CTNNA1: variants seen among roughly 807,000 people sequenced by gnomAD.
CTNNA1 encodes catenin alpha 1, also known as catenin alpha-1.
In CTNNA1, 37 loss-of-function variants were observed where a neutral mutation model predicts 98.4. The ratio of observed to expected loss-of-function variants is 0.38; its 90% CI spans 0.29 to 0.49. CTNNA1 has a LOEUF of 0.49. Among genes scored for constraint, CTNNA1 ranks in the 20% least tolerant of loss-of-function variants. CTNNA1 has a pLI of 0.95. For missense variants in CTNNA1, 761 were observed against 1,147.2 expected, an observed-to-expected ratio of 0.66 and a Z score of 4.86; for synonymous variants, 404 against 413.2, an observed-to-expected ratio of 0.98 and a Z score of 0.27.
chr5:138,933,781 C>T, intron 17 of CTNNA1, 21 bp from the exon 18 acceptor site: 1 of 1,608,130 alleles, frequency 6.2e-7, no homozygotes, highest in Non-Finnish European at 8.5e-7. Flanking sequence ...GTGCTTCTTA[C>T]CACCCCTGTC....
At chr5:138,857,967 T>G (rs1315308712) in intron 7 of CTNNA1, among the ~76,000 whole-genome samples, 1 of 152,196 alleles carries the variant, frequency 6.6e-6, no homozygotes, top group Non-Finnish European at 1.5e-5. Flanking sequence ...ATGAATCCAC[T>G]TCTTAGATTC....
At chr5:138,797,125 C>T (rs1477197562) in intron 3 of CTNNA1, among the ~76,000 whole-genome samples, 2 of 152,274 alleles carry the variant, frequency 1.3e-5, no homozygotes, top group Middle Eastern at 3.4e-3. Flanking sequence ...TTTGCATGAA[C>T]TAGCAGCCAT....
chr5:138,811,192 T>G (rs1322644776), intron 4 of CTNNA1, among the ~76,000 whole-genome samples: 1 of 134,170 alleles, frequency 7.5e-6, no homozygotes, highest in East Asian at 2.2e-4. Flanking sequence ...GTCTCCTCAC[T>G]TCTCAGACGG....
chr5:138,816,549 C>G (rs1488337160), intron 5 of CTNNA1, among the ~76,000 whole-genome samples: 1 of 151,974 alleles, frequency 6.6e-6, no homozygotes, highest in Admixed American at 6.6e-5. Context: ...TTTTTCCTTT[C>G]GTTTTGCTAA....
intron 10 of CTNNA1, among the ~76,000 whole-genome samples, chr5:138,914,742 C>A (rs1208239241): frequency 6.6e-6 from 1 of 152,116 alleles, no homozygotes; most frequent in Non-Finnish European, 1.5e-5. Flanking sequence ...TCCAAAGCAT[C>A]TGAAAAATCA....
chr5:138,775,570 A>G (rs2149619665), intron 1 of CTNNA1, among the ~76,000 whole-genome samples: 1 of 152,260 alleles, frequency 6.6e-6, no homozygotes, highest in East Asian at 1.9e-4. Context: ...CAGAAATTTA[A>G]CATTGATACA....
At chr5:138,885,476 T>C (rs1255956514) in intron 7 of CTNNA1, among the ~76,000 whole-genome samples, 2 of 152,194 alleles carry the variant, frequency 1.3e-5, no homozygotes, top group African/African-American at 2.4e-5. Context: ...AAAAAGACTT[T>C]TGTTCCTTTT....
rs186236339 is a variant in CTNNA1 at position 138,824,525 on chromosome 5, T to C, written c.589-5T>C. ...TCCAATTTCTTGTTTTATTTACTCT[T>C]GTAGGAATTGAAAGATGTTGGCCAT... On this transcript the variant is annotated splice_polypyrimidine_tract_variant and splice_region_variant and intron_variant, in intron 5 of 17. Transcript: ENST00000302763. 3.0e-3 allele frequency: 4,889 copies of C among 1,612,304 alleles called. 21 individuals are homozygous for C. Among genetic ancestry groups the C allele is most frequent in the Non-Finnish European group, 3.9e-3 (4,550 of 1,178,502 alleles).
intron 7 of CTNNA1, among the ~76,000 whole-genome samples, chr5:138,867,405 C>T (rs981092367): frequency 1.3e-5 from 2 of 152,230 alleles, no homozygotes; most frequent in African/African-American, 4.8e-5. Flanking sequence ...TGGCAGTCAG[C>T]TCCTGGAAGC....
intron 4 of CTNNA1, among the ~76,000 whole-genome samples, chr5:138,810,933 C>T (rs1210416358): frequency 1.4e-5 from 2 of 139,832 alleles, no homozygotes; most frequent in Non-Finnish European, 3.3e-5. Context: ...ACCCCCCCAC[C>T]TCCCTCCCGG....
chr5:138,770,896 G>A lies in CTNNA1; in HGVS notation c.-2-11027G>A, dbSNP rs182348120. Among the ~76,000 whole-genome samples, 540 of 151,210 alleles carry A rather than the reference G, an allele frequency of 3.6e-3. 2 individuals are homozygous for A. Among genetic ancestry groups the A allele is most frequent in the African/African-American group, 0.012 (512 of 41,198 alleles). ...GAACCCGGGAGGCAGGGCTTGCAGT[G>A]AGCCGAGATTGCGCCACTGCACCCA... is the stretch of plus-strand genomic sequence containing the variant. On this transcript the variant is annotated intron_variant, in intron 1 of 17. Transcript: ENST00000302763.
At chr5:138,772,340 T>C (rs1482898473) in intron 1 of CTNNA1, among the ~76,000 whole-genome samples, 1 of 152,222 alleles carries the variant, frequency 6.6e-6, no homozygotes, top group African/African-American at 2.4e-5. Flanking sequence ...TGGAAAAACC[T>C]AAGGTTGCTG....
At chr5:138,817,720 A>G (rs1212277234) in intron 5 of CTNNA1, among the ~76,000 whole-genome samples, 1 of 151,348 alleles carries the variant, frequency 6.6e-6, no homozygotes, top group African/African-American at 2.4e-5. Flanking sequence ...TGTATTTTTT[A>G]TTGAATTCTT....
At chr5:138,921,378 AAT>A (rs1252607049) in intron 11 of CTNNA1, among the ~76,000 whole-genome samples, 1 of 152,198 alleles carries the variant, frequency 6.6e-6, no homozygotes, top group East Asian at 1.9e-4. Context: ...TCTTAGAAAC[AAT>A]ATATATGCAT....
intron 7 of CTNNA1, among the ~76,000 whole-genome samples, chr5:138,851,221 G>A (rs1176792539): frequency 2.6e-5 from 4 of 152,122 alleles, no homozygotes; most frequent in Non-Finnish European, 5.9e-5. Context: ...TTCATTGTTG[G>A]GCTCTTATCT....
intron 9 of CTNNA1, among the ~76,000 whole-genome samples, chr5:138,901,119 T>TTTCTC (rs1015105352): frequency 4.6e-5 from 7 of 152,130 alleles, no homozygotes; most frequent in South Asian, 4.1e-4. Flanking sequence ...GTGTTTTTCT[T>TTTCTC]TTCTCTTCTC....
At chr5:138,805,080 G>A (rs1448304746) in intron 3 of CTNNA1, among the ~76,000 whole-genome samples, 1 of 152,078 alleles carries the variant, frequency 6.6e-6, no homozygotes, top group Non-Finnish European at 1.5e-5. Context: ...TGGGAGAGGT[G>A]TCACACACCT....
intron 6 of CTNNA1, among the ~76,000 whole-genome samples, chr5:138,826,094 G>A (rs1760688815): frequency 6.6e-6 from 1 of 151,942 alleles, no homozygotes; most frequent in South Asian, 2.1e-4. Context: ...CATTTTTGTT[G>A]GCCAGAAAGC....
At position 138,827,656 on chromosome 5, in the gene CTNNA1, G is replaced by A. The variant is rs1760855499; in HGVS notation, c.1000G>A (p.Val334Met). ...CTRDDRRERI[V>M]AECNAVRQAL... ...GCGTGATGACCGTCGTGAGCGAATT[G>A]TGGCAGAGTGTAATGCTGTCCGCCA... The change falls in exon 7 of 18, where the codon GTG becomes ATG. Residue 334 changes from valine to methionine, a missense_variant. Around this residue, in one of 6 missense-constraint regions of CTNNA1, gnomAD observed 287 missense variants for 436.0 expected, o/e 0.66. Coordinates refer to ENST00000302763, the MANE Select transcript of CTNNA1 (RefSeq NM_001903.5). The A allele has an allele frequency of 6.2e-7, 1 of 1,614,244 alleles. No homozygotes were observed. The highest frequency in any genetic ancestry group is 8.5e-7 in the Non-Finnish European group (1 of 1,180,052).
Sources: allele counts gnomAD v4.1 joint callset (sites outside exome capture counted in the v4.1 genomes callset), GRCh38; gene constraint gnomAD v4.1.1; regional missense constraint gnomAD v4.1.1; transcripts MANE v1.5; gene names NCBI Gene and HGNC (gene_info 2026-07-23, HGNC 2026-07-21).